Variants in PCDHGA10 observed in about 807,000 individuals in gnomAD.
The protein encoded by PCDHGA10 is protocadherin gamma-A10.
In PCDHGA10, 42 loss-of-function variants were observed where a neutral mutation model predicts 59.5. The observed-to-expected ratio is 0.71, with a 90% confidence interval of 0.55 to 0.91. PCDHGA10 has a LOEUF of 0.91. Ranked by LOEUF, PCDHGA10 falls within the 40% of genes least tolerant of loss-of-function variation. The pLI, the probability that PCDHGA10 is intolerant of heterozygous loss-of-function variation, is 0.00. For missense variants in PCDHGA10, 1,111 were observed against 1,198.2 expected (o/e 0.93, Z 1.07); for synonymous variants, 511 against 517.2 (o/e 0.99, Z 0.16).
chr5:141,477,379 A>C lies in PCDHGA10; in HGVS notation c.2437-17428A>C, dbSNP rs1293075706. The stretch of plus-strand genomic sequence containing the variant: ...CAGACCTGGATCGGGAGACTGTGCC[A>C]GAATACAACCTCAGCATCACCGCCC... On this transcript the variant is annotated intron_variant, in intron 1 of 3. Transcript: ENST00000398610. This position sits in a 1 kb window ranked among gnomAD's most constrained non-coding sequence, Gnocchi z 4.9. 2 of 1,614,184 alleles carry C rather than the reference A, an allele frequency of 1.2e-6. No homozygotes were observed. Among genetic ancestry groups the C allele is most frequent in the Non-Finnish European group, 1.7e-6 (2 of 1,180,034 alleles).
Position 141,415,014 on chromosome 5 carries a change from C to G in PCDHGA10, c.1839C>G (p.Leu613=), listed in dbSNP as rs747951360. 1 of 1,613,502 alleles carries G rather than the reference C, an allele frequency of 6.2e-7. No individual in the cohort carries two copies. Among genetic ancestry groups the G allele is most frequent in the African/African-American group, 1.3e-5 (1 of 74,950 alleles). The change falls in exon 1 of 4, where the codon CTC becomes CTG. Residue 613 remains leucine (L), a synonymous_variant. Transcript: ENST00000398610. ...GQNAWLSYRL[L]KASEPGLFAV... ...ACGCCTGGCTGTCCTACCGTCTGCT[C>G]AAGGCCAGCGAGCCGGGACTCTTCG...
At position 141,422,119 on chromosome 5, in the gene PCDHGA10, C is replaced by T. The variant is rs778866054; in HGVS notation, c.2436+6508C>T. 26 of 1,603,658 alleles carry T rather than the reference C, an allele frequency of 1.6e-5. No homozygotes were observed. In the Admixed American group the frequency reaches 4.2e-4, roughly 26 times the overall value. ...TTCTGAAATATTCCAATTGGATTCA[C>T]AAACTGGAGAAGTTCAAGTACGGGG... On this transcript the variant is annotated intron_variant, in intron 1 of 3. Transcript: ENST00000398610.
Position 141,432,029 on chromosome 5 carries a change from G to A in PCDHGA10, c.2436+16418G>A. 6.2e-7 allele frequency: 1 copy of A among 1,614,178 alleles called. No individual in the cohort carries two copies. Among genetic ancestry groups the A allele is most frequent in the South Asian group, 1.1e-5 (1 of 91,086 alleles). ...TCCTAGCTACAACATCACAGTGACC[G>A]CCACTGACCGGGGAACCCCGCCCCT... On this transcript the variant is annotated intron_variant, in intron 1 of 3. Coordinates refer to ENST00000398610, the MANE Select transcript of PCDHGA10 (RefSeq NM_018913.3). This position sits in a 1 kb window ranked among gnomAD's most constrained non-coding sequence, Gnocchi z 6.0.
rs78612001 is a variant in PCDHGA10 at position 141,432,435 on chromosome 5, C to A, written c.2436+16824C>A. ...TTCGTGCTGGACCAGAACGACAATG[C>A]GCCCGAGATCCTGTACCCCGCCCTC... On this transcript the variant is annotated intron_variant, in intron 1 of 3. Coordinates refer to ENST00000398610, the MANE Select transcript of PCDHGA10 (RefSeq NM_018913.3). The surrounding 1 kb of genome is among the most constrained non-coding windows in gnomAD (Gnocchi z 6.0). The A allele has an allele frequency of 0.027, 43,228 of 1,614,212 alleles. 830 individuals are homozygous for A. The highest frequency in any genetic ancestry group is 0.092 in the African/African-American group (6,903 of 75,054).
chr5:141,501,425 G>A (rs1444899306), intron 2 of PCDHGA10, among the ~76,000 whole-genome samples: 1 of 151,726 alleles, frequency 6.6e-6, no homozygotes, highest in Non-Finnish European at 1.5e-5. Flanking sequence ...TTGACTAAAT[G>A]TAGTCCATTT....
rs368105487 is a variant in PCDHGA10 at position 141,489,478 on chromosome 5, A to G, written c.2437-5329A>G. On this transcript the variant is annotated intron_variant, in intron 1 of 3. Transcript: ENST00000398610. This position sits in a 1 kb window ranked among gnomAD's most constrained non-coding sequence, Gnocchi z 4.5. Reference sequence around the variant, plus strand: ...TGGGCGCTATTTTTCCCTGAGCTTGATGAGTGGTGCCCTGGCAGTGAATCA... The same window carrying G: ...TGGGCGCTATTTTTCCCTGAGCTTGGTGAGTGGTGCCCTGGCAGTGAATCA... The G allele has an allele frequency of 1.1e-5, 18 of 1,613,956 alleles. No individual in the cohort carries two copies. The highest frequency in any genetic ancestry group is 1.5e-5 in the Non-Finnish European group (18 of 1,180,030).
rs1317699369 is a variant in PCDHGA10 at position 141,477,408 on chromosome 5, A to G, written c.2437-17399A>G. The G allele has an allele frequency of 6.2e-7, 1 of 1,614,098 alleles. No homozygotes were observed. ...TACAACCTCAGCATCACCGCCCGAG[A>G]CGCCGGAACCCCTTCCCTCTCAGCC... On this transcript the variant is annotated intron_variant, in intron 1 of 3. Transcript: ENST00000398610. This position sits in a 1 kb window ranked among gnomAD's most constrained non-coding sequence, Gnocchi z 4.9.
Position 141,491,536 on chromosome 5 carries a change from C to T in PCDHGA10, c.2437-3271C>T, listed in dbSNP as rs746800813. 1.2e-6 allele frequency: 2 copies of T among 1,614,006 alleles called. No individual in the cohort carries two copies. Among genetic ancestry groups the T allele is most frequent in the Admixed American group, 3.3e-5 (2 of 60,030 alleles). On this transcript the variant is annotated intron_variant, in intron 1 of 3. Coordinates refer to ENST00000398610, the MANE Select transcript of PCDHGA10 (RefSeq NM_018913.3). This position sits in a 1 kb window ranked among gnomAD's most constrained non-coding sequence, Gnocchi z 6.9. ...CAAGTACATGGAGGTGACGCTGCGG[C>T]CCACAGACTCGCAGAGCCACTGCTA...
intron 1 of PCDHGA10, chr5:141,440,087 A>C (rs1014881024): frequency 6.6e-6 from 1 of 152,316 alleles, no homozygotes; most frequent in African/African-American, 2.4e-5. Context: ...CTTCATTCTA[A>C]GTGGGGAAAG....
chr5:141,478,381 C>T (rs931860600), intron 1 of PCDHGA10: 22 of 1,613,664 alleles, frequency 1.4e-5, no homozygotes, highest in Non-Finnish European at 1.8e-5. Flanking sequence ...TGTCGCCGCA[C>T]CTTTACCATC....
Position 141,476,008 on chromosome 5 carries a change from G to T in PCDHGA10, c.2437-18799G>T. 1 of 1,282,144 alleles carries T rather than the reference G, an allele frequency of 7.8e-7. No homozygotes were observed. Among genetic ancestry groups the T allele is most frequent in the Non-Finnish European group, 1.1e-6 (1 of 935,996 alleles). 79.4% of individuals were successfully genotyped at this position (1,282,144 alleles called of 1,614,324 possible). On this transcript the variant is annotated intron_variant, in intron 1 of 3. Coordinates refer to ENST00000398610, the MANE Select transcript of PCDHGA10 (RefSeq NM_018913.3). This position sits in a 1 kb window ranked among gnomAD's most constrained non-coding sequence, Gnocchi z 7.6. ...CGAGCAAATCAACGGCATCCAGAAA[G>T]CCATGTCGGACTCGGCGCCCAGCGC... is the stretch of plus-strand genomic sequence containing the variant.
At chr5:141,454,344 G>A (rs1455147295) in intron 1 of PCDHGA10, among the ~76,000 whole-genome samples, 3 of 152,236 alleles carry the variant, frequency 2.0e-5, no homozygotes, top group Non-Finnish European at 4.4e-5. Flanking sequence ...AATGTTGGAA[G>A]TTGATCCAAA....
intron 1 of PCDHGA10, among the ~76,000 whole-genome samples, chr5:141,443,376 T>C (rs1365277469): frequency 6.6e-6 from 1 of 151,990 alleles, no homozygotes; most frequent in Admixed American, 6.6e-5. Flanking sequence ...TCTCAGCTAC[T>C]TGGGAGGCTG....
Position 141,415,469 on chromosome 5 carries a change from C to G in PCDHGA10, c.2294C>G (p.Ala765Gly), listed in dbSNP as rs1247738517. 1 of 1,614,090 alleles carries G rather than the reference C, an allele frequency of 6.2e-7. No individual in the cohort carries two copies. The highest frequency in any genetic ancestry group is 8.5e-7 in the Non-Finnish European group (1 of 1,180,042). Reference protein sequence around the residue: ...QTYSHEVSLTADSRKSHLIFP... With the variant: ...QTYSHEVSLTGDSRKSHLIFP... ...TATTCCCACGAGGTCTCTCTCACCG[C>G]GGACTCGCGAAAGAGTCACCTGATC... Residue 765 changes from alanine to glycine, a missense_variant, in exon 1 of 4, where the codon GCG (alanine) becomes GGG (glycine). Transcript: ENST00000398610.
intron 3 of PCDHGA10, among the ~76,000 whole-genome samples, chr5:141,506,012 T>C (rs2099850012): frequency 6.6e-6 from 1 of 152,208 alleles, no homozygotes; most frequent in Non-Finnish European, 1.5e-5. Context: ...CCTCTTTTGC[T>C]GCCCCTAACT....
chr5:141,490,565 T>C lies in PCDHGA10; in HGVS notation c.2437-4242T>C. ...CTACACAAACATCTCACCATCAGGC[T>C]CAACATTTCAGATGTCAATGACAAT... On this transcript the variant is annotated intron_variant, in intron 1 of 3. Coordinates refer to ENST00000398610, the MANE Select transcript of PCDHGA10 (RefSeq NM_018913.3). This position sits in a 1 kb window ranked among gnomAD's most constrained non-coding sequence, Gnocchi z 5.4. 8 of 1,614,116 alleles carry C rather than the reference T, an allele frequency of 5.0e-6. No individual in the cohort carries two copies. Among genetic ancestry groups the C allele is most frequent in the Non-Finnish European group, 6.8e-6 (8 of 1,180,024 alleles).
At position 141,489,078 on chromosome 5, in the gene PCDHGA10, G is replaced by A. The variant is rs990356560; in HGVS notation, c.2437-5729G>A. ...GCTCCCCTCCCCCCTGCCCACCCCC[G>A]CCACTCGGTGACTAAGAACTGCTGC... On this transcript the variant is annotated intron_variant, in intron 1 of 3. Transcript: ENST00000398610. The surrounding 1 kb of genome is among the most constrained non-coding windows in gnomAD (Gnocchi z 4.5). 6.9e-5 allele frequency: 11 copies of A among 160,224 alleles called. 1 individual carries two copies. Among genetic ancestry groups the A allele is most frequent in the Admixed American group, 3.7e-4 (4 of 10,708 alleles). The allele number at this position is 160,224 out of a possible 1,614,324, so 9.9% of individuals were successfully genotyped here.
intron 3 of PCDHGA10, 56 bp from the exon 4 acceptor site, chr5:141,510,891 G>A (rs945706652): frequency 8.7e-6 from 14 of 1,612,762 alleles, no homozygotes; most frequent in Middle Eastern, 1.6e-4. Flanking sequence ...ATATAAGACA[G>A]TGACTGTTGA....
chr5:141,418,669 C>G, intron 1 of PCDHGA10: 1 of 1,614,018 alleles, frequency 6.2e-7, no homozygotes, highest in Non-Finnish European at 8.5e-7. Flanking sequence ...CTGACCAGGA[C>G]GAGGGCATCA....
Sources: gnomAD v4.1 joint callset for allele counts (sites outside exome capture counted in the v4.1 genomes callset) on GRCh38, gnomAD v4.1.1 for gene constraint, Gnocchi (gnomAD v3.1) non-coding constraint, MANE v1.5 for transcripts, NCBI Gene and HGNC (gene_info 2026-07-23, HGNC 2026-07-21) for gene names.